Variants in MARCHF1 observed in about 807,000 individuals in gnomAD.
MARCHF1 encodes membrane associated ring-CH-type finger 1.
Under a neutral mutation model 54.2 loss-of-function variants are expected in MARCHF1, and 40 were observed. The observed-to-expected ratio is 0.74, with a 90% confidence interval of 0.57 to 0.96. The LOEUF is 0.96. Among genes scored for constraint, MARCHF1 ranks in the 40% least tolerant of loss-of-function variants. The pLI, the probability that MARCHF1 is intolerant of heterozygous loss-of-function variation, is 0.00. For synonymous variants in MARCHF1, 236 were observed against 236.3 expected, an observed-to-expected ratio of 1.00 and a Z score of 0.01; for missense variants, 586 against 656.5, an observed-to-expected ratio of 0.89 and a Z score of 1.17.
chr4:164,164,611 T>A (rs77911645), intron 1 of MARCHF1, among the ~76,000 whole-genome samples: 1 of 152,044 alleles, frequency 6.6e-6, no homozygotes, highest in Admixed American at 6.6e-5. Context: ...TGGTGAGTTG[T>A]ACATGTTACA....
intron 1 of MARCHF1, among the ~76,000 whole-genome samples, chr4:164,128,417 A>C (rs1756231926): frequency 6.6e-6 from 1 of 152,154 alleles, no homozygotes; most frequent in East Asian, 1.9e-4. Context: ...CAATGCTCTT[A>C]AAAATTAAGA....
intron 3 of MARCHF1, among the ~76,000 whole-genome samples, chr4:163,934,669 G>A (rs1022552054): frequency 1.4e-5 from 2 of 147,980 alleles, no homozygotes; most frequent in African/African-American, 5.0e-5. Context: ...TCTTCAGGCT[G>A]TACTTCTACT....
At chr4:163,890,011 G>A (rs1229457415) in intron 3 of MARCHF1, among the ~76,000 whole-genome samples, 6 of 138,590 alleles carry the variant, frequency 4.3e-5, no homozygotes, top group South Asian at 4.7e-4. Context: ...TGCAAGCTCC[G>A]CCGCCCGGGT....
At chr4:163,885,843 A>G (rs904576357) in intron 3 of MARCHF1, among the ~76,000 whole-genome samples, 1 of 151,430 alleles carries the variant, frequency 6.6e-6, no homozygotes, top group Admixed American at 6.6e-5. Context: ...AGGCCAAGGC[A>G]GGAGTATTAC....
intron 3 of MARCHF1, among the ~76,000 whole-genome samples, chr4:163,953,770 T>C (rs1025983569): frequency 6.6e-5 from 10 of 152,184 alleles, no homozygotes; most frequent in African/African-American, 2.4e-4. Flanking sequence ...AATAAAATCA[T>C]GTCAAATTGA....
At chr4:163,954,625 T>C (rs1752196522) in intron 3 of MARCHF1, among the ~76,000 whole-genome samples, 1 of 152,208 alleles carries the variant, frequency 6.6e-6, no homozygotes, top group Non-Finnish European at 1.5e-5. Flanking sequence ...TTTATGGCTA[T>C]CTCATACTTC....
intron 4 of MARCHF1, among the ~76,000 whole-genome samples, chr4:163,789,245 C>A (rs1211390781): frequency 6.6e-6 from 1 of 151,904 alleles, no homozygotes; most frequent in Non-Finnish European, 1.5e-5. Context: ...GATAGAAATA[C>A]AAGCGACTTA....
At chr4:164,354,719 T>C (rs1386113632) in intron 1 of MARCHF1, among the ~76,000 whole-genome samples, 5 of 144,760 alleles carry the variant, frequency 3.5e-5, no homozygotes, top group Non-Finnish European at 6.1e-5. Flanking sequence ...AGGGATGCCC[T>C]CTCTCACCAC....
chr4:163,839,684 T>C (rs1023785922), intron 4 of MARCHF1, among the ~76,000 whole-genome samples: 1 of 152,074 alleles, frequency 6.6e-6, no homozygotes, highest in Non-Finnish European at 1.5e-5. Flanking sequence ...CATAGTTGCC[T>C]AGTTGGAGGA....
chr4:163,859,972 A>C (rs1749878410), intron 3 of MARCHF1, among the ~76,000 whole-genome samples: 1 of 152,184 alleles, frequency 6.6e-6, no homozygotes, highest in South Asian at 2.1e-4. Flanking sequence ...TAGACATAAA[A>C]ATGAAATGTA....
rs1250738924 is a variant in MARCHF1, at chr4:163,726,078, A to G, written c.112-25215T>C. On this transcript the variant is annotated intron_variant, in intron 4 of 9. Transcript: ENST00000514618. ...CCTACATATATACAGCCTCCCCACT[A>G]TCAAAATCCTGTCCCATTTGTTACA... 2.0e-5 allele frequency among the ~76,000 whole-genome samples: 3 copies of G among 152,094 alleles called. No homozygotes were observed. In the East Asian group the frequency reaches 5.8e-4, roughly 29 times the overall value.
At chr4:163,845,460 TACACACACACACACACACAC>T (rs10611765) in intron 4 of MARCHF1, among the ~76,000 whole-genome samples, 13 of 137,526 alleles carry the variant, frequency 9.5e-5, no homozygotes, top group Admixed American at 2.9e-4. Context: ...GCACCTCAGT[TACACACACACACACACACAC>T]ACACACACAC....
chr4:164,322,313 A>G (rs1735162890), intron 1 of MARCHF1, among the ~76,000 whole-genome samples: 1 of 152,098 alleles, frequency 6.6e-6, no homozygotes, highest in Non-Finnish European at 1.5e-5. Context: ...AACTCACTGA[A>G]ATCAAAGTGA....
At chr4:163,884,307 A>G (rs997592753) in intron 3 of MARCHF1, among the ~76,000 whole-genome samples, 1 of 152,182 alleles carries the variant, frequency 6.6e-6, no homozygotes, top group African/African-American at 2.4e-5. Context: ...AGCAAATATA[A>G]TAATTATAAA....
intron 1 of MARCHF1, among the ~76,000 whole-genome samples, chr4:164,194,046 T>A (rs1731189588): frequency 1.3e-5 from 2 of 152,144 alleles, no homozygotes; most frequent in South Asian, 4.1e-4. Flanking sequence ...AAGTGGGTAA[T>A]GTCAACCAGA....
chr4:164,039,755 A>G (rs951561241), intron 2 of MARCHF1, among the ~76,000 whole-genome samples: 2 of 152,042 alleles, frequency 1.3e-5, no homozygotes, highest in East Asian at 1.9e-4. Context: ...TTATGAAATA[A>G]TAAATGAATA....
At chr4:164,351,917 G>A (rs1436110951) in intron 1 of MARCHF1, among the ~76,000 whole-genome samples, 1 of 150,724 alleles carries the variant, frequency 6.6e-6, no homozygotes, top group African/African-American at 2.4e-5. Context: ...AGTGCTTAAA[G>A]GAGCTGATGG....
At chr4:163,979,778 A>G (rs1307914193) in intron 3 of MARCHF1, among the ~76,000 whole-genome samples, 1 of 152,076 alleles carries the variant, frequency 6.6e-6, no homozygotes, top group Non-Finnish European at 1.5e-5. Context: ...GCCAGTGATG[A>G]TGAGCATTTT....
chr4:163,960,476 T>TA (rs1349258185), intron 3 of MARCHF1, among the ~76,000 whole-genome samples: 1 of 151,974 alleles, frequency 6.6e-6, no homozygotes, highest in African/African-American at 2.4e-5. Flanking sequence ...TATGCAACCA[T>TA]AAAAAAGAAT....
Sources: allele counts gnomAD v4.1 joint callset (sites outside exome capture counted in the v4.1 genomes callset), GRCh38; gene constraint gnomAD v4.1.1; transcripts MANE v1.5; gene names NCBI Gene and HGNC (gene_info 2026-07-23, HGNC 2026-07-21).